SMAD2: variants seen among roughly 807,000 people sequenced by gnomAD.
The protein encoded by SMAD2 is MAD homolog 2.
Under a neutral mutation model 64.4 loss-of-function variants are expected in SMAD2, and 8 were observed. The observed-to-expected ratio is 0.12, with a 90% CI of 0.07 to 0.22. The LOEUF (loss-of-function observed/expected upper bound fraction) is 0.22. Among genes scored for constraint, SMAD2 ranks in the 10% least tolerant of loss-of-function variants. SMAD2 has a pLI of 1.00. For synonymous variants in SMAD2, 203 were observed against 195.8 expected (o/e 1.04, Z -0.31); for missense variants, 289 against 561.2 (o/e 0.51, Z 4.90).
chr18:47,874,097 T>C (rs752923107), intron 2 of SMAD2, among the ~76,000 whole-genome samples: 31 of 152,330 alleles, frequency 2.0e-4, no homozygotes, highest in Non-Finnish European at 4.0e-4. Flanking sequence ...TATTAAGATG[T>C]CCATCTGACC....
rs1912237069 is a variant in SMAD2 at position 47,812,477 on chromosome 18, CA to C, written c.*29349del. The C allele has an allele frequency of 1.3e-5, 2 of 152,242 alleles. No homozygotes were observed. Among genetic ancestry groups the C allele is most frequent in the African/African-American group, 4.8e-5 (2 of 41,440 alleles). 9.4% of individuals were successfully genotyped at this position (152,242 alleles called of 1,614,324 possible). ...CTTACAATTATGGCAGAAGGGGAAG[CA>C]GGCACCTTCTTCACAAGGTGGCAGA... On this transcript the variant is annotated 3_prime_UTR_variant, in exon 11 of 11. Coordinates refer to ENST00000262160, the MANE Select transcript of SMAD2 (RefSeq NM_005901.6).
In SMAD2 at chr18:47,905,441, T is replaced by C. The variant is rs991541449; in HGVS notation, c.-53-8632A>G. Among the ~76,000 whole-genome samples, 9 of 151,040 alleles carry C rather than the reference T, an allele frequency of 6.0e-5. No individual in the cohort carries two copies. In the East Asian group the frequency reaches 1.6e-3, roughly 26 times the overall value. ...GCAGAGTTAAGCAATTCATATGATA[T>C]AAAATTCATATGGAAACAAAAAAAA... On this transcript the variant is annotated intron_variant, in intron 1 of 10. Transcript: ENST00000262160.
chr18:47,919,516 ACAC>A (rs1568116986), intron 1 of SMAD2, among the ~76,000 whole-genome samples: 53 of 133,780 alleles, frequency 4.0e-4, no homozygotes, highest in Non-Finnish European at 6.7e-4. Context: ...ACACACACAC[ACAC>A]AAAGAATAGG....
At position 47,820,885 on chromosome 18, in the gene SMAD2, T is replaced by C. The variant is rs555522509; in HGVS notation, c.*20942A>G. ...TATATACACGATAGTGTAAATGCTA[T>C]ACATGCACTATACACACACACACAC... On this transcript the variant is annotated 3_prime_UTR_variant, in exon 11 of 11. Coordinates refer to ENST00000262160, the MANE Select transcript of SMAD2 (RefSeq NM_005901.6). 6.4e-5 allele frequency: 9 copies of C among 141,204 alleles called. No homozygotes were observed. Among genetic ancestry groups the C allele is most frequent in the African/African-American group, 2.6e-4 (9 of 34,684 alleles). The allele number at this position is 141,204 out of a possible 1,614,324, so 8.7% of individuals were successfully genotyped here. A position where few individuals can be genotyped will look rare whatever the true frequency, so the allele number is the denominator to read the frequency against.
chr18:47,905,433 A>G (rs1167297176), intron 1 of SMAD2, among the ~76,000 whole-genome samples: 1 of 152,152 alleles, frequency 6.6e-6, no homozygotes, highest in Admixed American at 6.5e-5. Flanking sequence ...TAAGCAATTC[A>G]TATGATATAA....
At chr18:47,913,947 G>A (rs1367596108) in intron 1 of SMAD2, among the ~76,000 whole-genome samples, 1 of 152,130 alleles carries the variant, frequency 6.6e-6, no homozygotes, top group Non-Finnish European at 1.5e-5. Flanking sequence ...AGCTGAATAA[G>A]TCAGCTTACC....
chr18:47,869,181 T>G (rs774811063), intron 4 of SMAD2, 62 bp downstream of exon 4: 24 of 1,240,388 alleles, frequency 1.9e-5, no homozygotes, highest in Non-Finnish European at 2.7e-5. Flanking sequence ...CAAGAGTACT[T>G]AAATATACTG....
At chr18:47,851,407 T>A in intron 6 of SMAD2, 80 bp from the exon 7 acceptor site, 1 of 881,564 alleles carries the variant, frequency 1.1e-6, no homozygotes, top group Admixed American at 1.8e-5. Context: ...CTTTATCTGG[T>A]TATAATTATC....
chr18:47,872,338 T>C (rs1438065697), intron 2 of SMAD2, among the ~76,000 whole-genome samples: 1 of 152,210 alleles, frequency 6.6e-6, no homozygotes, highest in African/African-American at 2.4e-5. Context: ...GAGCCCTCTG[T>C]ATCCAAGGGT....
intron 5 of SMAD2, chr18:47,866,905 G>A (rs181364380): frequency 6.6e-6 from 1 of 152,306 alleles, no homozygotes; most frequent in East Asian, 1.9e-4. Flanking sequence ...ATCTTCACAA[G>A]TGAAAGCCAC....
At chr18:47,922,389 C>G (rs1486406669) in intron 1 of SMAD2, among the ~76,000 whole-genome samples, 1 of 152,108 alleles carries the variant, frequency 6.6e-6, no homozygotes, top group Non-Finnish European at 1.5e-5. Flanking sequence ...AAAAAATATT[C>G]AGGAAAAAAC....
chr18:47,930,085 G>A (rs2034937927), intron 1 of SMAD2, among the ~76,000 whole-genome samples: 1 of 152,196 alleles, frequency 6.6e-6, no homozygotes, highest in Non-Finnish European at 1.5e-5. Context: ...TTAAAAATCA[G>A]AACCACAAAC....
At chr18:47,924,909 C>T (rs1323035828) in intron 1 of SMAD2, among the ~76,000 whole-genome samples, 1 of 152,180 alleles carries the variant, frequency 6.6e-6, no homozygotes, top group Non-Finnish European at 1.5e-5. Flanking sequence ...TAAACATAGG[C>T]AAACTATAAG....
chr18:47,901,606 T>C (rs2033687027), intron 1 of SMAD2, among the ~76,000 whole-genome samples: 1 of 152,164 alleles, frequency 6.6e-6, no homozygotes, highest in Non-Finnish European at 1.5e-5. Context: ...TTACCCTAGA[T>C]ATTTTCTTAT....
chr18:47,839,564 T>C lies in SMAD2; in HGVS notation c.*2263A>G, dbSNP rs1162497584. ...AAAAGCTTGTTAAATTAAGTAGTAC[T>C]GATGTGGTGCAAATGAAATTTTTAC... On this transcript the variant is annotated 3_prime_UTR_variant, in exon 11 of 11. Transcript: ENST00000262160. 1.7e-5 allele frequency: 4 copies of C among 233,300 alleles called. No individual in the cohort carries two copies. The highest frequency in any genetic ancestry group is 2.2e-5 in the African/African-American group (1 of 45,470). The allele number at this position is 233,300 out of a possible 1,614,324, so 14.5% of individuals were successfully genotyped here.
chr18:47,870,888 C>T (rs970958687), intron 2 of SMAD2, among the ~76,000 whole-genome samples: 4 of 152,132 alleles, frequency 2.6e-5, no homozygotes, highest in Non-Finnish European at 5.9e-5. Flanking sequence ...CTGCCATCAG[C>T]TTTACTAAGT....
At chr18:47,906,881 C>T (rs560291819) in intron 1 of SMAD2, among the ~76,000 whole-genome samples, 1 of 152,130 alleles carries the variant, frequency 6.6e-6, no homozygotes. Context: ...CCTCTATGGC[C>T]TTCTAGTAAG....
chr18:47,907,624 G>A (rs7232994), intron 1 of SMAD2, among the ~76,000 whole-genome samples: 2,835 of 152,174 alleles, frequency 0.019, 81 homozygotes, highest in African/African-American at 0.064. Flanking sequence ...TTTCTATCTT[G>A]AGAGGTAATC....
Position 47,840,120 on chromosome 18 carries a change from G to A in SMAD2, c.*1707C>T, listed in dbSNP as rs1240582195. On this transcript the variant is annotated 3_prime_UTR_variant, in exon 11 of 11. Coordinates refer to ENST00000262160, the MANE Select transcript of SMAD2 (RefSeq NM_005901.6). Reference sequence around the variant, plus strand: ...AAAAATTACTATACCAAATTTACATGAACACATACATATACACACAAATAT... The same window carrying A: ...AAAAATTACTATACCAAATTTACATAAACACATACATATACACACAAATAT... The A allele has an allele frequency of 4.3e-6, 1 of 232,956 alleles. No homozygotes were observed. The highest frequency in any genetic ancestry group is 2.2e-5 in the African/African-American group (1 of 45,282). The allele number at this position is 232,956 out of a possible 1,614,324, so 14.4% of individuals were successfully genotyped here.
Sources: allele counts gnomAD v4.1 joint callset (sites outside exome capture counted in the v4.1 genomes callset), GRCh38; gene constraint gnomAD v4.1.1; transcripts MANE v1.5; gene names NCBI Gene and HGNC (gene_info 2026-07-23, HGNC 2026-07-21).